The following SUMF1 variants were observed in gnomAD, a reference collection of about 807,000 sequenced individuals.
SUMF1 encodes the protein formylglycine-generating enzyme.
SUMF1 carries 48 observed loss-of-function variants against 47.6 expected under a neutral mutation model. The ratio of observed to expected loss-of-function variants is 1.01; its 90% CI spans 0.80 to 1.28. The LOEUF is 1.28. SUMF1 is among the 50% of genes most tolerant of loss of function. The pLI is 0.00. For synonymous variants in SUMF1, 230 were observed against 192.1 expected, an observed-to-expected ratio of 1.20 and a Z score of -1.63; for missense variants, 571 against 485.4, an observed-to-expected ratio of 1.18 and a Z score of -1.66.
chr3:4,466,837 A>T (rs1307109363), intron 1 of SUMF1, 139 bp downstream of exon 1: 24 of 1,321,514 alleles, frequency 1.8e-5, no homozygotes, highest in Non-Finnish European at 2.4e-5. Context: ...GGAACTCCTC[A>T]TACGGGAACA....
At chr3:4,261,782 C>T (rs930790749) in intron 8 of SUMF1, among the ~76,000 whole-genome samples, 1 of 152,184 alleles carries the variant, frequency 6.6e-6, no homozygotes, top group Non-Finnish European at 1.5e-5. Context: ...ATCAGTGCCA[C>T]GTACAGATTT....
At chr3:4,364,602 G>T (rs2125184120) in intron 8 of SUMF1, among the ~76,000 whole-genome samples, 1 of 151,638 alleles carries the variant, frequency 6.6e-6, no homozygotes, top group South Asian at 2.1e-4. Context: ...GGGTCTATTT[G>T]ATTCTTCTCT....
intron 7 of SUMF1, among the ~76,000 whole-genome samples, chr3:4,405,200 C>T (rs1413469172): frequency 6.6e-6 from 1 of 152,144 alleles, no homozygotes; most frequent in Non-Finnish European, 1.5e-5. Flanking sequence ...TGAGTGGGGT[C>T]AACAAGTGTG....
chr3:4,360,428 A>G (rs1048000643), downstream of SUMF1, among the ~76,000 whole-genome samples: 10 of 152,026 alleles, frequency 6.6e-5, no homozygotes, highest in Admixed American at 3.9e-4. Flanking sequence ...TCCAGGTTCA[A>G]GCAATTCTCC....
chr3:4,182,423 TA>T (rs1386817506), intron 8 of SUMF1, among the ~76,000 whole-genome samples: 1 of 149,172 alleles, frequency 6.7e-6, no homozygotes, highest in Admixed American at 6.7e-5. Context: ...TTTATTATTA[TA>T]TTTTTTATTA....
intron 8 of SUMF1, among the ~76,000 whole-genome samples, chr3:4,159,569 A>T (rs766033467): frequency 6.6e-6 from 1 of 151,936 alleles, no homozygotes; most frequent in Non-Finnish European, 1.5e-5. Context: ...CTTAGATATG[A>T]ATAGTTCATA....
intron 7 of SUMF1, among the ~76,000 whole-genome samples, chr3:4,395,667 T>C (rs749958208): frequency 4.6e-5 from 7 of 152,166 alleles, no homozygotes; most frequent in Non-Finnish European, 1.0e-4. Context: ...AACAGTCATT[T>C]CCTCCATGCT....
At chr3:4,108,711 T>C (rs1693216894) in intron 8 of SUMF1, among the ~76,000 whole-genome samples, 3 of 152,146 alleles carry the variant, frequency 2.0e-5, no homozygotes, top group Admixed American at 2.0e-4. Context: ...CTTTGTTGGT[T>C]TAAAGTCTGT....
At chr3:4,369,047 G>GTT (rs1167016301) in intron 8 of SUMF1, among the ~76,000 whole-genome samples, 39 of 59,136 alleles carry the variant, frequency 6.6e-4, no homozygotes, top group South Asian at 6.2e-3. Flanking sequence ...CATGCAAAAG[G>GTT]TTTTTTTTTT....
intron 8 of SUMF1, among the ~76,000 whole-genome samples, chr3:4,117,649 TG>T (rs1200615166): frequency 6.6e-6 from 1 of 152,100 alleles, no homozygotes; most frequent in African/African-American, 2.4e-5. Flanking sequence ...TTATCAAGAA[TG>T]AGGACAATAA....
At chr3:4,356,096 C>T (rs756682173) in intron 8 of SUMF1, among the ~76,000 whole-genome samples, 2 of 152,144 alleles carry the variant, frequency 1.3e-5, no homozygotes, top group Non-Finnish European at 2.9e-5. Context: ...GAAGTTCTGG[C>T]CACGTGCCAA....
chr3:4,096,931 A>T (rs146537370), intron 8 of SUMF1, among the ~76,000 whole-genome samples: 1 of 152,258 alleles, frequency 6.6e-6, no homozygotes, highest in East Asian at 1.9e-4. Context: ...CTGGATTATT[A>T]GGAGGAATTT....
chr3:4,231,646 C>T (rs1316674901), intron 8 of SUMF1, among the ~76,000 whole-genome samples: 1 of 152,120 alleles, frequency 6.6e-6, no homozygotes, highest in Non-Finnish European at 1.5e-5. Flanking sequence ...AAATCAGGGG[C>T]AGGCAGAACA....
chr3:4,352,185 G>A (rs1699517666), intron 8 of SUMF1, among the ~76,000 whole-genome samples: 1 of 152,136 alleles, frequency 6.6e-6, no homozygotes, highest in Non-Finnish European at 1.5e-5. Context: ...GAGAACGGAA[G>A]TCACAAAAAT....
chr3:4,101,446 A>G (rs998675635), intron 8 of SUMF1, among the ~76,000 whole-genome samples: 5 of 152,096 alleles, frequency 3.3e-5, no homozygotes, highest in African/African-American at 9.7e-5. Context: ...AAAAAGTCAA[A>G]TTTATAGAAG....
At chr3:4,381,376 C>A (rs767572457) in intron 7 of SUMF1, among the ~76,000 whole-genome samples, 2 of 152,092 alleles carry the variant, frequency 1.3e-5, no homozygotes, top group Non-Finnish European at 2.9e-5. Context: ...GGCTACAAAT[C>A]GGGTGCAGTG....
Position 4,395,081 on chromosome 3 carries a change from A to C in SUMF1, c.954+15784T>G, listed in dbSNP as rs183649503. 2.4e-3 allele frequency among the ~76,000 whole-genome samples: 369 copies of C among 152,308 alleles called. 2 individuals are homozygous for C. Among genetic ancestry groups the C allele is most frequent in the African/African-American group, 8.3e-3 (347 of 41,566 alleles). ...CATCCTCATAATCACCCTGTAAAGCAGGAAGTATCATTCTTTTCATTTTAA... is the reference window on the plus strand; with the variant it reads ...CATCCTCATAATCACCCTGTAAAGCCGGAAGTATCATTCTTTTCATTTTAA... On this transcript the variant is annotated intron_variant, in intron 7 of 8. Transcript: ENST00000272902.
intron 8 of SUMF1, among the ~76,000 whole-genome samples, chr3:4,106,042 G>T (rs1225987207): frequency 1.3e-5 from 2 of 151,524 alleles, no homozygotes; most frequent in Non-Finnish European, 2.9e-5. Flanking sequence ...GGTCAAAATT[G>T]CTTTATCTGT....
chr3:4,203,760 GT>G (rs953974057), intron 8 of SUMF1, among the ~76,000 whole-genome samples: 93 of 150,722 alleles, frequency 6.2e-4, no homozygotes, highest in Admixed American at 5.2e-3. Flanking sequence ...TCTGTTGTAG[GT>G]TTTTTTTATT....
Sources: allele counts gnomAD v4.1 joint callset (sites outside exome capture counted in the v4.1 genomes callset), GRCh38; gene constraint gnomAD v4.1.1; transcripts MANE v1.5; gene names NCBI Gene and HGNC (gene_info 2026-07-23, HGNC 2026-07-21).